The following CRISP2 variants were observed in gnomAD, a reference collection of about 807,000 sequenced individuals.
CRISP2 encodes the protein cysteine rich secretory protein 2.
CRISP2 carries 29 observed loss-of-function variants against 31.7 expected under a neutral mutation model. That is an observed-to-expected ratio of 0.92 (90% CI 0.68 to 1.25). The LOEUF (loss-of-function observed/expected upper bound fraction) is 1.25, where lower values mean the gene tolerates loss of function less well. Among genes scored for constraint, CRISP2 ranks in the 50% most tolerant of loss-of-function variants. The probability of loss-of-function intolerance (pLI) is 0.00; values close to 1 mark genes in which losing one functional copy is unlikely to be tolerated. For missense variants in CRISP2, 318 were observed against 286.5 expected (o/e 1.11, Z -0.79); for synonymous variants, 111 against 101.4 (o/e 1.09, Z -0.57).
At chr6:49,709,097 A>G (rs1174467430) in intron 4 of CRISP2, 34 bp downstream of exon 4, 1 of 1,589,960 alleles carries the variant, frequency 6.3e-7, no homozygotes, top group Non-Finnish European at 8.6e-7. Flanking sequence ...AAGTTGCTGG[A>G]TAGCTCTGAA....
the CRISP2 span, among the ~76,000 whole-genome samples, chr6:49,685,395 G>A: frequency 1.3e-5 from 2 of 152,092 alleles, no homozygotes; most frequent in Non-Finnish European, 2.9e-5. Context: ...TGAAGGCAGG[G>A]ACTCACTTTG....
intron 4 of CRISP2, among the ~76,000 whole-genome samples, chr6:49,701,339 T>C (rs1765642758): frequency 1.3e-5 from 2 of 151,736 alleles, no homozygotes; most frequent in Admixed American, 1.3e-4. Context: ...TGCATCCTCA[T>C]AGCTTAGCTC....
chr6:49,699,980 T>C (rs1582062296), intron 5 of CRISP2, 89 bp from the exon 6 acceptor site: 2 of 1,143,206 alleles, frequency 1.7e-6, no homozygotes, highest in East Asian at 5.0e-5. Flanking sequence ...TACTTTAAAA[T>C]TTCTGTAGAT....
At chr6:49,698,919 CTT>C (rs1765202923) in intron 6 of CRISP2, among the ~76,000 whole-genome samples, 1 of 152,016 alleles carries the variant, frequency 6.6e-6, no homozygotes, top group South Asian at 2.1e-4. Context: ...ATGTATAAGA[CTT>C]TGTGTGAAAT....
downstream of CRISP2, among the ~76,000 whole-genome samples, chr6:49,687,871 G>C (rs1324816608): frequency 6.6e-6 from 1 of 152,168 alleles, no homozygotes; most frequent in Admixed American, 6.5e-5. Flanking sequence ...GGGCAGGCTT[G>C]GGGGACAGTT....
At chr6:49,677,749 C>T in the CRISP2 span, among the ~76,000 whole-genome samples, 1 of 152,064 alleles carries the variant, frequency 6.6e-6, no homozygotes, top group Non-Finnish European at 1.5e-5. Flanking sequence ...GCTAAACACA[C>T]AGCAAGCTTA....
intron 6 of CRISP2, among the ~76,000 whole-genome samples, chr6:49,698,948 A>G (rs1765208276): frequency 6.6e-6 from 1 of 152,124 alleles, no homozygotes; most frequent in Admixed American, 6.6e-5. Context: ...AAAAGACTTT[A>G]TAGGCTGTCT....
chr6:49,710,292 C>T (rs1420625622), intron 3 of CRISP2, among the ~76,000 whole-genome samples: 1 of 152,132 alleles, frequency 6.6e-6, no homozygotes, highest in Non-Finnish European at 1.5e-5. Flanking sequence ...ACTCCCATAC[C>T]TTACTGGGTA....
At chr6:49,697,757 C>T (rs1333639539) in intron 8 of CRISP2, 103 bp downstream of exon 8, 3 of 1,591,582 alleles carry the variant, frequency 1.9e-6, no homozygotes, top group Non-Finnish European at 2.6e-6. Context: ...TATCCCCTCC[C>T]TTTTATTGAG....
At chr6:49,702,664 T>C (rs757257953) in intron 4 of CRISP2, among the ~76,000 whole-genome samples, 1 of 152,004 alleles carries the variant, frequency 6.6e-6, no homozygotes, top group Non-Finnish European at 1.5e-5. Context: ...TTTTTTCTTC[T>C]GATTTGTTTT....
At chr6:49,682,678 TTCTG>T in the CRISP2 span, among the ~76,000 whole-genome samples, 1 of 145,662 alleles carries the variant, frequency 6.9e-6, no homozygotes, top group East Asian at 2.1e-4. Context: ...TTCTCTCTCT[TTCTG>T]TCTCTTTCTC....
At chr6:49,688,679 A>C (rs1046706150), downstream of CRISP2, among the ~76,000 whole-genome samples, 2 of 152,328 alleles carry the variant, frequency 1.3e-5, no homozygotes, top group African/African-American at 4.8e-5. Context: ...GCCTCTTTCC[A>C]AAATGACTGC....
At chr6:49,704,994 G>C (rs981485275) in intron 4 of CRISP2, among the ~76,000 whole-genome samples, 5 of 152,104 alleles carry the variant, frequency 3.3e-5, no homozygotes, top group African/African-American at 1.2e-4. Context: ...TGGTAGTATG[G>C]GGGGATACAA....
At chr6:49,685,195 G>A in the CRISP2 span, among the ~76,000 whole-genome samples, 17 of 152,186 alleles carry the variant, frequency 1.1e-4, no homozygotes, top group African/African-American at 3.9e-4. Flanking sequence ...ATGAAATGGT[G>A]TTTTCTGAAA....
In CRISP2 at chr6:49,692,597, A is replaced by G. The variant is rs1582005370; in HGVS notation, c.*176T>C. 7 of 561,746 alleles carry G rather than the reference A, an allele frequency of 1.2e-5. No individual in the cohort carries two copies. The highest frequency in any genetic ancestry group is 2.2e-5 in the Non-Finnish European group (7 of 325,310). 34.8% of individuals were successfully genotyped at this position (561,746 alleles called of 1,614,324 possible). A position where few individuals can be genotyped will look rare whatever the true frequency, so the allele number is the denominator to read the frequency against. On this transcript the variant is annotated 3_prime_UTR_variant, in exon 10 of 10. Coordinates refer to ENST00000339139, the MANE Select transcript of CRISP2 (RefSeq NM_003296.4). ...GAGTTCACAGTTGTCATCATCTACT[A>G]TGCTACTTTTGTAAATCATTGCCTG...
intron 6 of CRISP2, 91 bp from the exon 7 acceptor site, chr6:49,698,598 C>G: frequency 1.5e-6 from 2 of 1,347,400 alleles, no homozygotes; most frequent in Non-Finnish European, 1.0e-6. Flanking sequence ...CCTTTCAAAC[C>G]CAGGGTCCAG....
the CRISP2 span, among the ~76,000 whole-genome samples, chr6:49,686,425 C>T: frequency 6.6e-6 from 1 of 152,160 alleles, no homozygotes; most frequent in Admixed American, 6.6e-5. Context: ...GATAAATGCA[C>T]ATGCAACTTT....
chr6:49,712,339 T>C (rs1193955804), intron 2 of CRISP2, among the ~76,000 whole-genome samples, 162 bp downstream of exon 2: 3 of 152,224 alleles, frequency 2.0e-5, no homozygotes, highest in Non-Finnish European at 1.5e-5. Flanking sequence ...ATCTAACCTA[T>C]ACTCATCTTC....
At chr6:49,688,475 A>G (rs6928153), downstream of CRISP2, among the ~76,000 whole-genome samples, 22,385 of 152,112 alleles carry the variant, frequency 0.15, 1,720 homozygotes, top group African/African-American at 0.18. Context: ...ATCTGCCACA[A>G]ATGAGTCACT....
Sources: gnomAD v4.1 joint callset for allele counts (sites outside exome capture counted in the v4.1 genomes callset) on GRCh38, gnomAD v4.1.1 for gene constraint, MANE v1.5 for transcripts, NCBI Gene and HGNC (gene_info 2026-07-23, HGNC 2026-07-21) for gene names.